NBAS: variants seen among roughly 807,000 people sequenced by gnomAD.
NBAS encodes the protein NAG/BC035112 fusion.
A neutral mutation model predicts 302.5 loss-of-function variants in NBAS; 219 were observed. The observed-to-expected ratio is 0.72, with a 90% CI of 0.65 to 0.81. The LOEUF (loss-of-function observed/expected upper bound fraction) is 0.81. NBAS is among the 30% of genes least tolerant of loss of function. The pLI is 0.00. For missense variants in NBAS, 2,932 were observed against 2,841.6 expected (o/e 1.03, Z -0.72); for synonymous variants, 1,118 against 1,021.6 (o/e 1.09, Z -1.80).
the NBAS span, among the ~76,000 whole-genome samples, chr2:15,024,960 T>G: frequency 2.0e-5 from 3 of 152,198 alleles, no homozygotes; most frequent in African/African-American, 7.2e-5. Context: ...AGAAGCACTT[T>G]AGTTTAATTA....
chr2:15,559,552 T>C (rs1664811712), intron 1 of NBAS, among the ~76,000 whole-genome samples: 1 of 152,078 alleles, frequency 6.6e-6, no homozygotes, highest in Non-Finnish European at 1.5e-5. Context: ...CACAGAAAAG[T>C]TATTTCACTC....
chr2:15,099,435 A>C, the NBAS span, among the ~76,000 whole-genome samples: 4 of 152,242 alleles, frequency 2.6e-5, no homozygotes, highest in South Asian at 8.3e-4. Context: ...TGAAAAGAAC[A>C]TTGTAATTTT....
chr2:15,098,621 T>C, the NBAS span, among the ~76,000 whole-genome samples: 5 of 132,040 alleles, frequency 3.8e-5, no homozygotes, highest in Admixed American at 2.6e-4. Flanking sequence ...TAATGTATTA[T>C]ATATTGTATA....
At chr2:15,540,084 AT>A (rs1343131238) in intron 6 of NBAS, among the ~76,000 whole-genome samples, 2 of 152,172 alleles carry the variant, frequency 1.3e-5, no homozygotes, top group Non-Finnish European at 2.9e-5. Context: ...TCTATGTTAG[AT>A]TTGTTTGAGA....
rs1558463165 is a variant in NBAS at position 15,237,608 on chromosome 2, T to TATC, written c.5943+859_5943+860insGAT. Among the ~76,000 whole-genome samples the TATC allele has an allele frequency of 6.4e-3, 859 of 134,212 alleles. 8 individuals are homozygous for TATC. Among genetic ancestry groups the TATC allele is most frequent in the African/African-American group, 0.023 (776 of 34,186 alleles). The allele number at this position is 134,212 out of a possible 152,430, so 88.0% of individuals were successfully genotyped here. A position where few individuals can be genotyped will look rare whatever the true frequency, so the allele number is the denominator to read the frequency against. On this transcript the variant is annotated intron_variant, in intron 45 of 51. Transcript: ENST00000281513. ...TTTATTTATTTATTTATTTATTTATTTATCTGAGACAGAGTCTCGCTCTGT... is the reference window on the plus strand; with the variant it reads ...TTTATTTATTTATTTATTTATTTATTATCTATCTGAGACAGAGTCTCGCTCTGT...
At chr2:14,920,342 G>T in the NBAS span, among the ~76,000 whole-genome samples, 1 of 152,182 alleles carries the variant, frequency 6.6e-6, no homozygotes, top group Non-Finnish European at 1.5e-5. Flanking sequence ...AGGATTTGTT[G>T]CCCCATTTAA....
At chr2:15,116,497 C>A in the NBAS span, among the ~76,000 whole-genome samples, 1 of 152,092 alleles carries the variant, frequency 6.6e-6, no homozygotes, top group Non-Finnish European at 1.5e-5. Context: ...ATTAGGGATC[C>A]CCCTTATGAC....
rs1208500290 is a variant in NBAS, at chr2:15,219,799, C to T, written c.6237-831G>A. Among the ~76,000 whole-genome samples, 896 of 140,962 alleles carry T rather than the reference C, an allele frequency of 6.4e-3. 2 individuals are homozygous for T. The highest frequency in any genetic ancestry group is 9.8e-3 in the Non-Finnish European group (635 of 64,518). 92.5% of individuals were successfully genotyped at this position (140,962 alleles called of 152,430 possible). ...CTTCCCGCCTTTCTATTCCACAAAACCGCCATTGTCATCATGGCCCATCCC... is the reference window on the plus strand; with the variant it reads ...CTTCCCGCCTTTCTATTCCACAAAATCGCCATTGTCATCATGGCCCATCCC... On this transcript the variant is annotated intron_variant, in intron 47 of 51. Transcript: ENST00000281513.
intron 21 of NBAS, among the ~76,000 whole-genome samples, chr2:15,449,198 T>C (rs949571801): frequency 1.3e-5 from 2 of 152,108 alleles, no homozygotes; most frequent in African/African-American, 4.8e-5. Flanking sequence ...TACTGGAAAA[T>C]AGTTACATTC....
At chr2:14,913,271 T>C in the NBAS span, among the ~76,000 whole-genome samples, 1 of 152,176 alleles carries the variant, frequency 6.6e-6, no homozygotes, top group Non-Finnish European at 1.5e-5. Flanking sequence ...GTGGCCGACT[T>C]AAGCATGGAG....
the NBAS span, among the ~76,000 whole-genome samples, chr2:14,869,104 A>C: frequency 1.3e-5 from 2 of 152,138 alleles, no homozygotes; most frequent in Non-Finnish European, 2.9e-5. Flanking sequence ...AAGACAGAAA[A>C]TGAAATAAAT....
chr2:15,257,179 AC>A (rs149927419), intron 44 of NBAS, among the ~76,000 whole-genome samples: 116 of 152,160 alleles, frequency 7.6e-4, no homozygotes, highest in African/African-American at 2.7e-3. Context: ...TTGGTCTTGG[AC>A]TTTTTTGGTT....
the NBAS span, among the ~76,000 whole-genome samples, chr2:14,995,264 T>C: frequency 2.6e-5 from 4 of 152,016 alleles, no homozygotes; most frequent in South Asian, 8.3e-4. Context: ...TCTGTGTCCA[T>C]GTGTTCTCAT....
chr2:15,291,020 A>G (rs1670281531), intron 41 of NBAS, among the ~76,000 whole-genome samples: 1 of 152,270 alleles, frequency 6.6e-6, no homozygotes, highest in Admixed American at 6.5e-5. Context: ...ATACTCCACT[A>G]TCATAATGAA....
chr2:15,533,713 TGTGTGTG>T (rs2148679437), intron 9 of NBAS, among the ~76,000 whole-genome samples: 1 of 81,680 alleles, frequency 1.2e-5, no homozygotes, highest in African/African-American at 3.4e-5. Context: ...TGTGTGTGTG[TGTGTGTG>T]TGTGTGTGTT....
At chr2:15,099,755 C>T in the NBAS span, among the ~76,000 whole-genome samples, 6 of 152,008 alleles carry the variant, frequency 3.9e-5, no homozygotes, top group African/African-American at 1.2e-4. Flanking sequence ...AGCAGACATA[C>T]ATTGGACTTT....
chr2:15,393,884 T>G (rs1675736136), intron 28 of NBAS, among the ~76,000 whole-genome samples: 1 of 152,040 alleles, frequency 6.6e-6, no homozygotes, highest in African/African-American at 2.4e-5. Context: ...CTGATTTCTA[T>G]AAAATTCTAG....
the NBAS span, among the ~76,000 whole-genome samples, chr2:14,850,255 C>CA: frequency 7.8e-6 from 1 of 127,968 alleles, no homozygotes; most frequent in Non-Finnish European, 1.5e-5. Context: ...AAATGGAAAA[C>CA]AAAAAAAGGC....
chr2:14,976,001 A>G, the NBAS span, among the ~76,000 whole-genome samples: 22 of 152,244 alleles, frequency 1.4e-4, no homozygotes, highest in African/African-American at 4.6e-4. Context: ...AAAACTGGGG[A>G]AAAATATATG....
Sources: allele counts gnomAD v4.1 joint callset (sites outside exome capture counted in the v4.1 genomes callset), GRCh38; gene constraint gnomAD v4.1.1; transcripts MANE v1.5; gene names NCBI Gene and HGNC (gene_info 2026-07-23, HGNC 2026-07-21).